The following HS6ST3 variants were observed in gnomAD, a reference collection of about 807,000 sequenced individuals.
HS6ST3 encodes the protein heparan sulfate 6-O-sulfotransferase 3, also known as heparan-sulfate 6-O-sulfotransferase 3.
A neutral mutation model predicts 36.7 loss-of-function variants in HS6ST3; 12 were observed. The ratio of observed to expected loss-of-function variants is 0.33; its 90% CI spans 0.21 to 0.53. HS6ST3 has a LOEUF of 0.53. Among genes scored for constraint, HS6ST3 ranks in the 20% least tolerant of loss-of-function variants. HS6ST3 has a pLI of 0.95. For synonymous variants in HS6ST3, 240 were observed against 257.5 expected (o/e 0.93, Z 0.65); for missense variants, 584 against 640.9 (o/e 0.91, Z 0.96).
intron 1 of HS6ST3, among the ~76,000 whole-genome samples, chr13:96,571,658 C>A (rs1299167674): frequency 6.6e-6 from 1 of 152,088 alleles, no homozygotes; most frequent in Non-Finnish European, 1.5e-5. Flanking sequence ...AGAAGATTAC[C>A]CATGAGTCTA....
intron 1 of HS6ST3, among the ~76,000 whole-genome samples, chr13:96,782,801 C>G (rs1877558301): frequency 6.6e-6 from 1 of 152,076 alleles, no homozygotes; most frequent in Non-Finnish European, 1.5e-5. Flanking sequence ...TAAGGCTCAT[C>G]TGACATTCAC....
At chr13:96,253,609 A>C (rs1378586811) in intron 1 of HS6ST3, among the ~76,000 whole-genome samples, 1 of 152,178 alleles carries the variant, frequency 6.6e-6, no homozygotes, top group Non-Finnish European at 1.5e-5. Context: ...CTGGGGCCTC[A>C]TATTCCACCG....
intron 1 of HS6ST3, among the ~76,000 whole-genome samples, chr13:96,161,356 C>T (rs1032171718): frequency 8.6e-5 from 13 of 151,938 alleles, no homozygotes; most frequent in Non-Finnish European, 1.8e-4. Flanking sequence ...GTGAATGGGA[C>T]GTGGAAGTGA....
intron 1 of HS6ST3, among the ~76,000 whole-genome samples, chr13:96,156,568 T>C (rs1205067561): frequency 6.6e-6 from 1 of 152,224 alleles, no homozygotes; most frequent in East Asian, 1.9e-4. Flanking sequence ...TCCTGCTGAC[T>C]TAGGGCAGTG....
At chr13:96,413,528 T>C (rs1289531484) in intron 1 of HS6ST3, among the ~76,000 whole-genome samples, 3 of 152,164 alleles carry the variant, frequency 2.0e-5, no homozygotes, top group Non-Finnish European at 4.4e-5. Flanking sequence ...AATATTAAGA[T>C]TGAGAATTTG....
intron 1 of HS6ST3, among the ~76,000 whole-genome samples, chr13:96,562,057 G>T (rs1333912959): frequency 2.0e-5 from 3 of 152,124 alleles, no homozygotes; most frequent in African/African-American, 7.2e-5. Flanking sequence ...AAATCATTCT[G>T]CCAAAAGCAC....
chr13:96,716,917 T>A (rs1875711567), intron 1 of HS6ST3, among the ~76,000 whole-genome samples: 1 of 152,150 alleles, frequency 6.6e-6, no homozygotes, highest in South Asian at 2.1e-4. Flanking sequence ...AAGCATGAGC[T>A]AGGAAGGTAA....
chr13:96,348,187 A>T (rs2055164935), intron 1 of HS6ST3, among the ~76,000 whole-genome samples: 1 of 152,278 alleles, frequency 6.6e-6, no homozygotes, highest in African/African-American at 2.4e-5. Context: ...ATATTAAAGC[A>T]GCACTTGACT....
chr13:96,834,967 A>C lies in HS6ST3; in HGVS notation c.*1769A>C, dbSNP rs565350785. The C allele has an allele frequency of 8.5e-5, 13 of 152,520 alleles. No individual in the cohort carries two copies. Among genetic ancestry groups the C allele is most frequent in the Admixed American group, 3.9e-4 (6 of 15,298 alleles). The allele number at this position is 152,520 out of a possible 1,614,324, so 9.4% of individuals were successfully genotyped here. On this transcript the variant is annotated 3_prime_UTR_variant, in exon 2 of 2. Transcript: ENST00000376705. ...CCAGGAACTGAACGAGGCCCTTTTCATACCTTAAATATATTCTGCACAACA... is the reference window on the plus strand; with the variant it reads ...CCAGGAACTGAACGAGGCCCTTTTCCTACCTTAAATATATTCTGCACAACA...
chr13:96,148,088 G>A (rs1248379684), intron 1 of HS6ST3, among the ~76,000 whole-genome samples: 1 of 152,100 alleles, frequency 6.6e-6, no homozygotes, highest in Admixed American at 6.5e-5. Flanking sequence ...TGTATGTATA[G>A]CTCACATTTA....
intron 1 of HS6ST3, among the ~76,000 whole-genome samples, chr13:96,358,869 AATCTATCT>A (rs58185989): frequency 0.045 from 6,585 of 147,554 alleles, 322 homozygotes; most frequent in African/African-American, 0.12. Flanking sequence ...GTATATATAT[AATCTATCT>A]ATCTATCTAT....
intron 1 of HS6ST3, among the ~76,000 whole-genome samples, chr13:96,348,154 A>C (rs2055164758): frequency 6.6e-6 from 1 of 152,254 alleles, no homozygotes; most frequent in Non-Finnish European, 1.5e-5. Flanking sequence ...GGAAAGAAAG[A>C]AAGCTAAGAC....
At chr13:96,202,319 T>TCGG (rs2054346673) in intron 1 of HS6ST3, among the ~76,000 whole-genome samples, 3 of 152,208 alleles carry the variant, frequency 2.0e-5, no homozygotes, top group Non-Finnish European at 2.9e-5. Flanking sequence ...TTGAAATTTC[T>TCGG]GATCAAAGGT....
intron 1 of HS6ST3, among the ~76,000 whole-genome samples, chr13:96,369,674 C>A (rs560666319): frequency 1.3e-5 from 2 of 152,200 alleles, no homozygotes; most frequent in South Asian, 4.2e-4. Context: ...ATGGTAGACA[C>A]CTCTTCAGGG....
At chr13:96,187,358 A>G (rs1288094901) in intron 1 of HS6ST3, among the ~76,000 whole-genome samples, 11 of 152,240 alleles carry the variant, frequency 7.2e-5, no homozygotes, top group Admixed American at 3.3e-4. Context: ...GCTAGGTGCC[A>G]TGCGTCCTGC....
chr13:96,343,697 C>T (rs1381922934), intron 1 of HS6ST3, among the ~76,000 whole-genome samples: 10 of 151,938 alleles, frequency 6.6e-5, no homozygotes, highest in Admixed American at 6.6e-4. Context: ...CTTTCCATTT[C>T]CCTTATTTAT....
At chr13:96,483,282 G>A (rs899322756) in intron 1 of HS6ST3, among the ~76,000 whole-genome samples, 9 of 152,114 alleles carry the variant, frequency 5.9e-5, no homozygotes, top group East Asian at 1.9e-4. Flanking sequence ...AAAAGGTGGC[G>A]CTTACGAGGT....
intron 1 of HS6ST3, among the ~76,000 whole-genome samples, chr13:96,492,300 A>C (rs2055950379): frequency 1.3e-5 from 2 of 152,216 alleles, no homozygotes; most frequent in South Asian, 4.1e-4. Flanking sequence ...CAGTTCTCTC[A>C]GCCAACTTTG....
At chr13:96,390,281 T>C (rs946139450) in intron 1 of HS6ST3, among the ~76,000 whole-genome samples, 3 of 152,228 alleles carry the variant, frequency 2.0e-5, no homozygotes, top group African/African-American at 7.2e-5. Flanking sequence ...GATTGCTAAA[T>C]GTACTGCTAT....
Sources: gnomAD v4.1 joint callset for allele counts (sites outside exome capture counted in the v4.1 genomes callset) on GRCh38, gnomAD v4.1.1 for gene constraint, MANE v1.5 for transcripts, NCBI Gene and HGNC (gene_info 2026-07-23, HGNC 2026-07-21) for gene names.